The following DMD variants were observed in gnomAD, a reference collection of about 807,000 sequenced individuals.
The protein encoded by DMD is dystrophin, also known as mutant dystrophin.
In DMD, 63 loss-of-function variants were observed where a neutral mutation model predicts 330.1. That is an observed-to-expected ratio of 0.19 (90% CI 0.16 to 0.24). DMD has a LOEUF of 0.24. Ranked by LOEUF, DMD falls within the 10% of genes least tolerant of loss-of-function variation. DMD has a pLI of 1.00. For synonymous variants in DMD, 1,223 were observed against 959.8 expected (o/e 1.27, Z -5.07); for missense variants, 3,344 against 2,684.1 (o/e 1.25, Z -5.43).
chrX:31,250,833 C>T (rs971016569), intron 63 of DMD, among the ~76,000 whole-genome samples: 2 of 111,138 alleles, frequency 1.8e-5, no homozygotes, highest in African/African-American at 6.6e-5. Context: ...CCTGTAATCC[C>T]AGCAGTTTGG....
At chrX:32,807,329 C>T (rs866841486) in intron 7 of DMD, among the ~76,000 whole-genome samples, 40 of 109,961 alleles carry the variant, frequency 3.6e-4, no homozygotes, top group African/African-American at 1.2e-3. Context: ...AACACCTCTA[C>T]GCAAATAAAC....
chrX:31,316,114 A>G (rs1416899927), intron 62 of DMD, among the ~76,000 whole-genome samples: 2 of 112,093 alleles, frequency 1.8e-5, no homozygotes, highest in Non-Finnish European at 3.8e-5. Flanking sequence ...ATGTTTTGGT[A>G]TGTACCATTC....
chrX:32,306,346 G>A (rs768372426), intron 42 of DMD, among the ~76,000 whole-genome samples: 15 of 110,828 alleles, frequency 1.4e-4, no homozygotes, highest in Non-Finnish European at 2.3e-4. Flanking sequence ...GGACTTGAAC[G>A]ACCTGGCTTC....
At chrX:31,207,732 A>C (rs1959178042) in intron 65 of DMD, among the ~76,000 whole-genome samples, 1 of 111,798 alleles carries the variant, frequency 8.9e-6, no homozygotes, top group African/African-American at 3.3e-5. Context: ...GGAGGGTGGA[A>C]GGAGGGAGAG....
At chrX:32,518,260 T>C in intron 17 of DMD, 129 bp from the exon 18 acceptor site, 4 of 644,021 alleles carry the variant, frequency 6.2e-6, no homozygotes, top group Non-Finnish European at 7.3e-6. Context: ...TCTATTAGTA[T>C]TAATAGCAGC....
rs767234033 is a variant in DMD, at chrX:32,279,755, G to C, written c.6290+7774C>G. Among the ~76,000 whole-genome samples the C allele has an allele frequency of 2.7e-5, 3 of 109,332 alleles. No homozygotes were observed. In the East Asian group the frequency reaches 8.7e-4, roughly 32 times the overall value. 94.9% of individuals were successfully genotyped at this position (109,332 alleles called of 115,157 possible). A position where few individuals can be genotyped will look rare whatever the true frequency, so the allele number is the denominator to read the frequency against. On this transcript the variant is annotated intron_variant, in intron 43 of 78. Transcript: ENST00000357033. ...AATGAACACCACCTACTATTTGCTA[G>C]CACAACAGGGTGACTATAGTCAAAA...
chrX:32,451,835 G>T (rs1223086236), intron 26 of DMD, among the ~76,000 whole-genome samples: 1 of 110,579 alleles, frequency 9.0e-6, no homozygotes, highest in Non-Finnish European at 1.9e-5. Flanking sequence ...CTCAAGAAAT[G>T]AAATCTTCCT....
intron 43 of DMD, among the ~76,000 whole-genome samples, chrX:32,243,952 G>A (rs997219368): frequency 2.0e-4 from 6 of 29,442 alleles, no homozygotes; most frequent in East Asian, 1.4e-3. Context: ...CAAGAGGAAC[G>A]AACTTTTTTT....
At chrX:32,934,472 G>A (rs1300894462) in intron 2 of DMD, among the ~76,000 whole-genome samples, 1 of 109,901 alleles carries the variant, frequency 9.1e-6, no homozygotes, top group Non-Finnish European at 1.9e-5. Context: ...TGAACCTAGG[G>A]GTTCAAGCCT....
In DMD at chrX:32,906,791, C is replaced by A. The variant is rs767864288; in HGVS notation, c.94-56971G>T. On this transcript the variant is annotated intron_variant, in intron 2 of 78. Coordinates refer to ENST00000357033, the MANE Select transcript of DMD (RefSeq NM_004006.3). The stretch of plus-strand genomic sequence containing the variant: ...CAGTTAGGATGCTATTTCAGTACTC[C>A]AGGAAGGAGCTGATGGTACACAGAA... 1.1e-4 allele frequency among the ~76,000 whole-genome samples: 12 copies of A among 111,228 alleles called. No individual in the cohort carries two copies. The East Asian group carries it at 2.8e-3, about 26-fold the overall frequency.
intron 43 of DMD, among the ~76,000 whole-genome samples, chrX:32,226,176 G>A (rs1018308545): frequency 4.5e-5 from 5 of 111,371 alleles, no homozygotes; most frequent in Non-Finnish European, 7.5e-5. Context: ...GTTTCTCAGC[G>A]CTCTCTAACA....
intron 43 of DMD, among the ~76,000 whole-genome samples, chrX:32,268,932 C>T (rs1032516963): frequency 1.5e-4 from 16 of 105,910 alleles, no homozygotes; most frequent in Non-Finnish European, 2.7e-4. Context: ...CCAGGAATGT[C>T]AGGCAACCAT....
At chrX:32,086,514 C>T (rs1373763074) in intron 44 of DMD, among the ~76,000 whole-genome samples, 2 of 111,237 alleles carry the variant, frequency 1.8e-5, no homozygotes, top group Non-Finnish European at 3.8e-5. Context: ...AAACTGAATA[C>T]ATTAATTGGC....
intron 42 of DMD, among the ~76,000 whole-genome samples, chrX:32,292,732 A>G (rs1450086634): frequency 8.9e-6 from 1 of 112,192 alleles, no homozygotes; most frequent in East Asian, 2.8e-4. Context: ...GAAACAGGAA[A>G]GAAGTTAACA....
chrX:33,088,269 T>C (rs975363775), intron 1 of DMD, among the ~76,000 whole-genome samples: 3 of 111,233 alleles, frequency 2.7e-5, no homozygotes, highest in African/African-American at 9.8e-5. Flanking sequence ...GGTGTCGAAC[T>C]CCTGACTTCA....
intron 55 of DMD, among the ~76,000 whole-genome samples, chrX:31,593,102 C>T (rs960632716): frequency 1.8e-5 from 2 of 111,064 alleles, no homozygotes; most frequent in Non-Finnish European, 3.8e-5. Flanking sequence ...TATAAGGGAT[C>T]ATATTTCTCC....
chrX:31,379,104 C>A (rs1463164070), intron 60 of DMD, among the ~76,000 whole-genome samples: 1 of 110,297 alleles, frequency 9.1e-6, no homozygotes, highest in East Asian at 2.9e-4. Context: ...TCCCACCTGT[C>A]CCCTCAGTCC....
At position 31,902,244 on chromosome X, in the gene DMD, C is replaced by T. The variant is rs143006214; in HGVS notation, c.6913-26871G>A. The stretch of plus-strand genomic sequence containing the variant: ...AGTATCAAATTGGTGATTATTAAGA[C>T]GGACAACATGATAAAATATTCACCC... On this transcript the variant is annotated intron_variant, in intron 47 of 78. Coordinates refer to ENST00000357033, the MANE Select transcript of DMD (RefSeq NM_004006.3). Among the ~76,000 whole-genome samples the T allele has an allele frequency of 2.4e-3, 268 of 111,624 alleles. 1 individual carries two copies. The highest frequency in any genetic ancestry group is 8.2e-3 in the African/African-American group (252 of 30,800).
intron 7 of DMD, among the ~76,000 whole-genome samples, chrX:32,779,489 CT>C (rs2074495530): frequency 9.1e-6 from 1 of 110,012 alleles, no homozygotes; most frequent in Non-Finnish European, 1.9e-5. Flanking sequence ...TTAAAGTTAT[CT>C]TTTGAAACTA....
Sources: gnomAD v4.1 joint callset for allele counts (sites outside exome capture counted in the v4.1 genomes callset) on GRCh38, gnomAD v4.1.1 for gene constraint, MANE v1.5 for transcripts, NCBI Gene and HGNC (gene_info 2026-07-23, HGNC 2026-07-21) for gene names.